Variants in DIP2B observed in about 807,000 individuals in gnomAD.
DIP2B encodes the protein disco-interacting protein 2 homolog B.
Under a neutral mutation model 198.0 loss-of-function variants are expected in DIP2B, and 76 were observed. The ratio of observed to expected loss-of-function variants is 0.38; its 90% CI spans 0.32 to 0.46. DIP2B has a LOEUF of 0.46. DIP2B is among the 20% of genes least tolerant of loss of function. DIP2B has a pLI of 0.99. For missense variants in DIP2B, 1,559 were observed against 1,978.4 expected (o/e 0.79, Z 4.02); for synonymous variants, 701 against 739.1 (o/e 0.95, Z 0.84).
chr12:50,720,102 TATATTTTTATTAGAGA>T (rs1418490619), intron 25 of DIP2B, among the ~76,000 whole-genome samples: 3 of 151,538 alleles, frequency 2.0e-5, no homozygotes, highest in Non-Finnish European at 4.4e-5. Flanking sequence ...AGCTGATTTT[TATATTTTTATTAGAGA>T]CGGGCTTTCA....
intron 1 of DIP2B, among the ~76,000 whole-genome samples, chr12:50,613,647 G>A (rs2139456102): frequency 6.6e-6 from 1 of 152,304 alleles, no homozygotes; most frequent in South Asian, 2.1e-4. Context: ...GTTCCCTGAA[G>A]CTCAGCTAAA....
intron 1 of DIP2B, among the ~76,000 whole-genome samples, chr12:50,531,397 C>T (rs1958215978): frequency 6.6e-6 from 1 of 152,014 alleles, no homozygotes. Flanking sequence ...CTGGAAAGCA[C>T]CACCATTTAA....
At chr12:50,536,167 A>G (rs541969122) in intron 1 of DIP2B, among the ~76,000 whole-genome samples, 41 of 152,172 alleles carry the variant, frequency 2.7e-4, no homozygotes, top group Middle Eastern at 3.4e-3. Context: ...ATACGTGTGC[A>G]TGTGTCTTTA....
In DIP2B at chr12:50,683,231, G is replaced by A. The variant is rs1939074816; in HGVS notation, c.1300G>A (p.Val434Ile). ...LAEVIPVPIE[V>I]PLTRKDAGGQ... Reference sequence around the variant, plus strand: ...AGAAGTGATTCCAGTGCCTATAGAGGTACCTCTTACCAGAAAGGTAACATT... The same window carrying A: ...AGAAGTGATTCCAGTGCCTATAGAGATACCTCTTACCAGAAAGGTAACATT... The change falls in exon 10 of 38, where the codon GTA (valine) becomes ATA (isoleucine). Residue 434 changes from valine (V) to isoleucine (I), a missense_variant. By Grantham distance (29) the Val-to-Ile change is conservative. Transcript: ENST00000301180. The A allele has an allele frequency of 6.2e-7, 1 of 1,610,614 alleles. No individual in the cohort carries two copies. Among genetic ancestry groups the A allele is most frequent in the Non-Finnish European group, 8.5e-7 (1 of 1,179,030 alleles).
At chr12:50,563,942 T>C (rs960704126) in intron 1 of DIP2B, among the ~76,000 whole-genome samples, 1 of 152,174 alleles carries the variant, frequency 6.6e-6, no homozygotes, top group Admixed American at 6.6e-5. Context: ...TTTCATAACA[T>C]AGCATCAGCA....
intron 1 of DIP2B, among the ~76,000 whole-genome samples, chr12:50,594,949 G>A (rs980257587): frequency 6.6e-6 from 1 of 152,186 alleles, no homozygotes; most frequent in African/African-American, 2.4e-5. Context: ...GGCTTGTCCT[G>A]CAGATTCCAA....
chr12:50,526,626 CTTT>C (rs11423846), intron 1 of DIP2B, among the ~76,000 whole-genome samples: 14 of 64,194 alleles, frequency 2.2e-4, no homozygotes, highest in South Asian at 9.7e-4. Flanking sequence ...TTTCCTCTGC[CTTT>C]TTTTTTTTTT....
At chr12:50,532,403 T>A (rs1958226282) in intron 1 of DIP2B, among the ~76,000 whole-genome samples, 1 of 152,066 alleles carries the variant, frequency 6.6e-6, no homozygotes, top group African/African-American at 2.4e-5. Context: ...TAATCCCAGC[T>A]ACTTGGGAGT....
chr12:50,653,346 C>CTT (rs34185073), intron 3 of DIP2B, among the ~76,000 whole-genome samples: 5 of 76,634 alleles, frequency 6.5e-5, no homozygotes, highest in Non-Finnish European at 9.6e-5. Context: ...TTTTTCTTTT[C>CTT]TTTTTTTTTT....
At chr12:50,735,572 G>T (rs765307145) in intron 34 of DIP2B, among the ~76,000 whole-genome samples, 2 of 151,882 alleles carry the variant, frequency 1.3e-5, no homozygotes, top group Admixed American at 6.6e-5. Flanking sequence ...GATTCAAGGA[G>T]AACTTGCCTC....
At chr12:50,739,334 A>G in intron 35 of DIP2B, 75 bp from the exon 36 acceptor site, 1 of 1,511,702 alleles carries the variant, frequency 6.6e-7, no homozygotes, top group Non-Finnish European at 8.9e-7. Context: ...TTAAAAAATC[A>G]AAATAACCTG....
intron 1 of DIP2B, among the ~76,000 whole-genome samples, chr12:50,531,780 G>T (rs137936873): frequency 0.013 from 1,941 of 152,274 alleles, 22 homozygotes; most frequent in Middle Eastern, 0.02. Flanking sequence ...TCTGTTCTTT[G>T]TCTCTCTCCT....
intron 2 of DIP2B, among the ~76,000 whole-genome samples, chr12:50,637,102 C>G (rs1938174617): frequency 6.6e-6 from 1 of 152,066 alleles, no homozygotes; most frequent in Non-Finnish European, 1.5e-5. Flanking sequence ...AGTGAGGGCC[C>G]TATAATGATT....
At chr12:50,530,069 A>G (rs1261924455) in intron 1 of DIP2B, among the ~76,000 whole-genome samples, 1 of 151,808 alleles carries the variant, frequency 6.6e-6, no homozygotes, top group African/African-American at 2.4e-5. Context: ...TGGGCCTTCC[A>G]TTCCTCCATC....
chr12:50,551,435 G>C (rs1277854823), intron 1 of DIP2B, among the ~76,000 whole-genome samples: 3 of 151,210 alleles, frequency 2.0e-5, no homozygotes, highest in Non-Finnish European at 3.0e-5. Context: ...AAAAAAATCT[G>C]TGTGTGTGTG....
intron 2 of DIP2B, among the ~76,000 whole-genome samples, chr12:50,627,166 G>T (rs1362133500): frequency 6.6e-6 from 1 of 152,186 alleles, no homozygotes; most frequent in Non-Finnish European, 1.5e-5. Flanking sequence ...GCTGCTTATT[G>T]TGGATCTGGC....
intron 22 of DIP2B, among the ~76,000 whole-genome samples, chr12:50,712,736 G>A (rs1009689448): frequency 8.2e-4 from 125 of 151,962 alleles, no homozygotes; most frequent in African/African-American, 2.8e-3. Context: ...GTGAAACCCC[G>A]TCTCTAATAA....
At position 50,716,958 on chromosome 12, in the gene DIP2B, C is replaced by CTTTTTTTTTTTTTTTTTTTTTTTTTTT. The variant is rs4026694; in HGVS notation, c.2852-1728_2852-1727insTTTTTTTTTTTTTTTTTTTTTTTTTTT. On this transcript the variant is annotated intron_variant, in intron 23 of 37. Transcript: ENST00000301180. ...CCTATCCTAGATTTACGAATTGTTG[C>CTTTTTTTTTTTTTTTTTTTTTTTTTTT]TTTTTTTTTTTTTTTTTTTTTTTGA... Among the ~76,000 whole-genome samples the CTTTTTTTTTTTTTTTTTTTTTTTTTTT allele has an allele frequency of 2.7e-3, 160 of 58,934 alleles. 45 individuals carry two copies. Among genetic ancestry groups the CTTTTTTTTTTTTTTTTTTTTTTTTTTT allele is most frequent in the East Asian group, 4.6e-3 (6 of 1,298 alleles). The allele number at this position is 58,934 out of a possible 152,430, so 38.7% of individuals were successfully genotyped here. A position where few individuals can be genotyped will look rare whatever the true frequency, so the allele number is the denominator to read the frequency against.
chr12:50,671,072 A>T, intron 4 of DIP2B, 114 bp from the exon 5 acceptor site: 2 of 980,662 alleles, frequency 2.0e-6, no homozygotes, highest in Middle Eastern at 3.3e-4. Context: ...AATCTACCTT[A>T]AGAATGCGAA....
Sources: allele counts gnomAD v4.1 joint callset (sites outside exome capture counted in the v4.1 genomes callset), GRCh38; gene constraint gnomAD v4.1.1; transcripts MANE v1.5; gene names NCBI Gene and HGNC (gene_info 2026-07-23, HGNC 2026-07-21).